Variants in TNS3 observed in about 807,000 individuals in gnomAD.
TNS3 encodes the protein tensin-3.
TNS3 carries 45 observed loss-of-function variants against 140.9 expected under a neutral mutation model. That is an observed-to-expected ratio of 0.32 (90% CI 0.25 to 0.41). The LOEUF (loss-of-function observed/expected upper bound fraction) is 0.41, where lower values mean the gene tolerates loss of function less well. TNS3 is among the 10% of genes least tolerant of loss of function. TNS3 has a pLI of 1.00. For synonymous variants in TNS3, 815 were observed against 788.4 expected, an observed-to-expected ratio of 1.03 and a Z score of -0.56; for missense variants, 1,716 against 1,906.7, an observed-to-expected ratio of 0.90 and a Z score of 1.86.
intron 1 of TNS3, among the ~76,000 whole-genome samples, chr7:47,544,958 C>T (rs767070437): frequency 6.6e-6 from 1 of 151,768 alleles, no homozygotes; most frequent in Non-Finnish European, 1.5e-5. Context: ...GTTAGTTGTA[C>T]GAAAAGCCTG....
intron 16 of TNS3, among the ~76,000 whole-genome samples, chr7:47,387,337 C>T (rs1203467074): frequency 6.6e-6 from 1 of 152,188 alleles, no homozygotes; most frequent in Non-Finnish European, 1.5e-5. Context: ...GAGCCACAGG[C>T]ATAGAGTTTG....
At chr7:47,528,318 G>C (rs928045553) in intron 2 of TNS3, among the ~76,000 whole-genome samples, 8 of 152,272 alleles carry the variant, frequency 5.3e-5, no homozygotes, top group South Asian at 2.1e-4. Flanking sequence ...AGGCACTGAG[G>C]GGGAGGTCCT....
At chr7:47,397,261 C>T (rs1171717253) in intron 15 of TNS3, among the ~76,000 whole-genome samples, 1 of 152,086 alleles carries the variant, frequency 6.6e-6, no homozygotes, top group Admixed American at 6.5e-5. Context: ...TGAATCCAGG[C>T]TCCAGGCTCT....
chr7:47,339,944 T>G (rs1453088649), intron 20 of TNS3, among the ~76,000 whole-genome samples: 1 of 117,464 alleles, frequency 8.5e-6, no homozygotes, highest in African/African-American at 3.2e-5. Flanking sequence ...TTTTTTGAGC[T>G]ATTATAAGTG....
intron 2 of TNS3, among the ~76,000 whole-genome samples, chr7:47,513,886 C>T (rs1798692100): frequency 6.6e-6 from 1 of 152,216 alleles, no homozygotes; most frequent in African/African-American, 2.4e-5. Context: ...GGTTTCCAGA[C>T]TCATGTTTAA....
At chr7:47,382,850 A>G (rs1233351583) in intron 16 of TNS3, among the ~76,000 whole-genome samples, 3 of 152,236 alleles carry the variant, frequency 2.0e-5, no homozygotes, top group Non-Finnish European at 2.9e-5. Context: ...GTGGACTCAC[A>G]CAGTTCAATT....
At chr7:47,378,295 G>A (rs1186489167) in intron 16 of TNS3, among the ~76,000 whole-genome samples, 1 of 152,174 alleles carries the variant, frequency 6.6e-6, no homozygotes, top group Non-Finnish European at 1.5e-5. Flanking sequence ...TCTAATCAGT[G>A]AGTACACAGA....
rs200894298 is a variant in TNS3, at chr7:47,369,291, C to T, written c.1355G>A (p.Ser452Asn). The T allele has an allele frequency of 6.8e-6, 11 of 1,614,092 alleles. No individual in the cohort carries two copies. Among genetic ancestry groups the T allele is most frequent in the Non-Finnish European group, 9.3e-6 (11 of 1,180,054 alleles). The change falls in exon 17 of 31, where the codon AGT becomes AAT. Residue 452 changes from serine to asparagine, a missense_variant. Ser to Asn is a conservative substitution (Grantham distance 46). Coordinates refer to ENST00000311160, the MANE Select transcript of TNS3 (RefSeq NM_022748.12). ...GGCTGGCACCACGTGGCGGGTCCCACTGTACTTGCTTCGAGCATCAGTCAT... is the reference window on the plus strand; with the variant it reads ...GGCTGGCACCACGTGGCGGGTCCCATTGTACTTGCTTCGAGCATCAGTCAT... Reference protein sequence around the residue: ...KEMTDARSKYSGTRHVVPAQV... With the variant: ...KEMTDARSKYNGTRHVVPAQV...
At chr7:47,414,961 G>C (rs527880778) in intron 11 of TNS3, 133 bp downstream of exon 11, 5 of 662,220 alleles carry the variant, frequency 7.6e-6, no homozygotes, top group Non-Finnish European at 2.6e-6. Flanking sequence ...CCAGTCAATC[G>C]CCAGGGAGGC....
intron 3 of TNS3, among the ~76,000 whole-genome samples, chr7:47,500,656 TTC>T (rs1798177540): frequency 6.6e-6 from 1 of 152,052 alleles, no homozygotes; most frequent in African/African-American, 2.4e-5. Context: ...AGAAGCTGAG[TTC>T]AGAGGGAGTA....
In TNS3 at chr7:47,388,980, AGCAGAG is replaced by A. The variant is rs367673993; in HGVS notation, c.1024+7814_1024+7819del. 3.5e-3 allele frequency among the ~76,000 whole-genome samples: 425 copies of A among 121,030 alleles called. 44 individuals carry two copies. The highest frequency in any genetic ancestry group is 5.9e-3 in the Non-Finnish European group (301 of 50,780). The allele number at this position is 121,030 out of a possible 152,430, so 79.4% of individuals were successfully genotyped here. Reference sequence around the variant, plus strand: ...CAGAAGAAGCAGAAGCAGAAGAAGCAGCAGAGGAAGAAGAAGAAGAAGGAAGAAGAA... The same window carrying A: ...CAGAAGAAGCAGAAGCAGAAGAAGCAGAAGAAGAAGAAGAAGGAAGAAGAA... On this transcript the variant is annotated intron_variant, in intron 16 of 30. Coordinates refer to ENST00000311160, the MANE Select transcript of TNS3 (RefSeq NM_022748.12).
At chr7:47,324,907 G>A (rs904929836) in intron 20 of TNS3, among the ~76,000 whole-genome samples, 2 of 152,072 alleles carry the variant, frequency 1.3e-5, no homozygotes, top group African/African-American at 4.8e-5. Flanking sequence ...TTGTCACCAA[G>A]ATATCCTTGA....
At chr7:47,292,642 T>G (rs1042399939) in intron 26 of TNS3, among the ~76,000 whole-genome samples, 186 bp downstream of exon 26, 1 of 152,230 alleles carries the variant, frequency 6.6e-6, no homozygotes, top group Non-Finnish European at 1.5e-5. Flanking sequence ...GTCAGTGAAG[T>G]AGAATCTCCT....
At chr7:47,442,689 G>A (rs1338150043) in intron 4 of TNS3, among the ~76,000 whole-genome samples, 1 of 152,194 alleles carries the variant, frequency 6.6e-6, no homozygotes, top group Non-Finnish European at 1.5e-5. Flanking sequence ...CTTGTCAGAT[G>A]GCAGAGGTGA....
At chr7:47,400,953 C>A (rs371888624) in intron 13 of TNS3, 39 bp from the exon 14 acceptor site, 10 of 1,611,204 alleles carry the variant, frequency 6.2e-6, no homozygotes, top group African/African-American at 1.3e-5. Context: ...GTAGCTGCAG[C>A]GGGGGACACA....
intron 1 of TNS3, among the ~76,000 whole-genome samples, chr7:47,573,084 A>G (rs750774555): frequency 3.3e-5 from 5 of 152,198 alleles, no homozygotes; most frequent in East Asian, 1.9e-4. Context: ...CGTGGTCCCA[A>G]TGCAGGCTGG....
chr7:47,490,345 T>C (rs2151824679), intron 3 of TNS3, among the ~76,000 whole-genome samples: 2 of 152,372 alleles, frequency 1.3e-5, no homozygotes, highest in South Asian at 4.1e-4. Flanking sequence ...AAGAGACTGA[T>C]GATTACCTCT....
chr7:47,371,471 C>T (rs144637275), intron 16 of TNS3, among the ~76,000 whole-genome samples: 44 of 152,310 alleles, frequency 2.9e-4, no homozygotes, highest in Non-Finnish European at 6.0e-4. Flanking sequence ...AACCTGTGTG[C>T]TCCTGCTGGC....
At chr7:47,350,569 G>T (rs1056663554) in intron 17 of TNS3, among the ~76,000 whole-genome samples, 1 of 152,208 alleles carries the variant, frequency 6.6e-6, no homozygotes, top group Non-Finnish European at 1.5e-5. Context: ...CGTTGCTACC[G>T]GGCTGGCGGG....
Sources: allele counts gnomAD v4.1 joint callset (sites outside exome capture counted in the v4.1 genomes callset), GRCh38; gene constraint gnomAD v4.1.1; transcripts MANE v1.5; gene names NCBI Gene and HGNC (gene_info 2026-07-23, HGNC 2026-07-21).